The following SPOCK3 variants were observed in gnomAD, a reference collection of about 807,000 sequenced individuals.
The protein encoded by SPOCK3 is SPARC (osteonectin), cwcv and kazal like domains proteoglycan 3, also known as testican-3.
Under a neutral mutation model 56.6 loss-of-function variants are expected in SPOCK3, and 30 were observed. The ratio of observed to expected loss-of-function variants is 0.53; its 90% CI spans 0.40 to 0.72. The LOEUF (loss-of-function observed/expected upper bound fraction) is 0.72. Ranked by LOEUF, SPOCK3 falls within the 30% of genes least tolerant of loss-of-function variation. The pLI, the probability that SPOCK3 is intolerant of heterozygous loss-of-function variation, is 0.00. For missense variants in SPOCK3, 527 were observed against 530.0 expected (o/e 0.99, Z 0.06); for synonymous variants, 196 against 183.3 (o/e 1.07, Z -0.56).
intron 4 of SPOCK3, among the ~76,000 whole-genome samples, chr4:166,961,250 T>TAAA (rs33983685): frequency 8.9e-4 from 130 of 145,862 alleles, no homozygotes; most frequent in African/African-American, 2.8e-3. Context: ...CCCACGAAAT[T>TAAA]AAAAAAAAAA....
At chr4:166,941,107 C>A in intron 4 of SPOCK3, among the ~76,000 whole-genome samples, 1 of 152,094 alleles carries the variant, frequency 6.6e-6, no homozygotes, top group South Asian at 2.1e-4. Flanking sequence ...GCCATCAGCA[C>A]AGTCACGTTT....
chr4:166,931,173 G>A (rs1304866769), intron 4 of SPOCK3, among the ~76,000 whole-genome samples: 1 of 152,092 alleles, frequency 6.6e-6, no homozygotes, highest in African/African-American at 2.4e-5. Flanking sequence ...GTGGAGATGG[G>A]GTTTCACCAT....
At chr4:167,054,522 T>C (rs922420540) in intron 3 of SPOCK3, among the ~76,000 whole-genome samples, 2 of 152,202 alleles carry the variant, frequency 1.3e-5, no homozygotes, top group African/African-American at 4.8e-5. Flanking sequence ...TGTCAACTCA[T>C]GATTAACTGC....
At chr4:166,988,115 CAT>C (rs1450647849) in intron 4 of SPOCK3, among the ~76,000 whole-genome samples, 9 of 151,902 alleles carry the variant, frequency 5.9e-5, no homozygotes, top group African/African-American at 2.2e-4. Flanking sequence ...GGAATACAAA[CAT>C]AAGAAATGAT....
At chr4:166,831,986 C>A (rs1207799442) in intron 6 of SPOCK3, among the ~76,000 whole-genome samples, 2 of 151,850 alleles carry the variant, frequency 1.3e-5, no homozygotes, top group African/African-American at 2.4e-5. Context: ...GAGTACTAGA[C>A]CTTTGTCAGA....
At chr4:166,745,555 T>C (rs186411484) in intron 8 of SPOCK3, among the ~76,000 whole-genome samples, 3 of 152,206 alleles carry the variant, frequency 2.0e-5, no homozygotes, top group Admixed American at 2.0e-4. Context: ...TAAAGACCAT[T>C]GACACTAGGA....
intron 6 of SPOCK3, among the ~76,000 whole-genome samples, chr4:166,800,247 A>T (rs1156622366): frequency 6.6e-6 from 1 of 151,094 alleles, no homozygotes. Flanking sequence ...TTTATTAATA[A>T]AGAGGAATAT....
chr4:167,098,647 C>T (rs191430124), intron 2 of SPOCK3, among the ~76,000 whole-genome samples: 6 of 152,084 alleles, frequency 3.9e-5, no homozygotes, highest in African/African-American at 1.4e-4. Context: ...CAAAGTCCAA[C>T]GATTTTCCAA....
intron 4 of SPOCK3, among the ~76,000 whole-genome samples, chr4:166,974,950 T>C (rs1393297646): frequency 6.6e-6 from 1 of 152,168 alleles, no homozygotes; most frequent in African/African-American, 2.4e-5. Flanking sequence ...CATAAAGAAA[T>C]TAATTCTCTC....
intron 6 of SPOCK3, among the ~76,000 whole-genome samples, chr4:166,866,541 T>A: frequency 6.6e-6 from 1 of 151,964 alleles, no homozygotes; most frequent in Non-Finnish European, 1.5e-5. Context: ...ATCTGACAAA[T>A]GTCTAATATC....
chr4:166,766,726 T>C (rs1738121336), intron 7 of SPOCK3, among the ~76,000 whole-genome samples: 1 of 152,234 alleles, frequency 6.6e-6, no homozygotes, highest in Non-Finnish European at 1.5e-5. Context: ...GAGGATATCC[T>C]CTTTTTCTAT....
intron 4 of SPOCK3, among the ~76,000 whole-genome samples, chr4:166,922,526 T>C (rs534137994): frequency 5.3e-5 from 8 of 152,286 alleles, no homozygotes; most frequent in African/African-American, 2.4e-5. Context: ...TTTAACCCAA[T>C]TTATACTCAC....
At chr4:167,061,336 T>C (rs1312761855) in intron 3 of SPOCK3, among the ~76,000 whole-genome samples, 2 of 152,006 alleles carry the variant, frequency 1.3e-5, no homozygotes. Context: ...TTTTAGAGCA[T>C]TGGCTTGACT....
intron 2 of SPOCK3, among the ~76,000 whole-genome samples, chr4:167,089,832 T>G (rs1721750777): frequency 6.6e-6 from 1 of 152,164 alleles, no homozygotes; most frequent in African/African-American, 2.4e-5. Context: ...ACTGATCTGT[T>G]TTCTTCCCCC....
intron 2 of SPOCK3, among the ~76,000 whole-genome samples, chr4:167,099,534 A>T (rs1482611855): frequency 6.6e-6 from 1 of 152,086 alleles, no homozygotes; most frequent in Non-Finnish European, 1.5e-5. Context: ...TATTTGACAC[A>T]CAAATTTCTG....
chr4:166,970,494 C>A (rs567514265), intron 4 of SPOCK3, among the ~76,000 whole-genome samples: 2 of 152,088 alleles, frequency 1.3e-5, no homozygotes, highest in African/African-American at 2.4e-5. Context: ...GAGGCTGAGG[C>A]GGGTGGATCA....
At chr4:167,183,222 C>G (rs909328291) in intron 2 of SPOCK3, among the ~76,000 whole-genome samples, 3 of 152,094 alleles carry the variant, frequency 2.0e-5, no homozygotes, top group African/African-American at 7.2e-5. Context: ...TCCAGCCCAG[C>G]CCAGCCCAAC....
At chr4:167,092,229 G>A (rs1339747540) in intron 2 of SPOCK3, among the ~76,000 whole-genome samples, 1 of 152,076 alleles carries the variant, frequency 6.6e-6, no homozygotes, top group Non-Finnish European at 1.5e-5. Flanking sequence ...AAGCTGTGAG[G>A]GACTGTGCCG....
At chr4:166,793,953 G>T (rs1741622645) in intron 6 of SPOCK3, among the ~76,000 whole-genome samples, 1 of 151,886 alleles carries the variant, frequency 6.6e-6, no homozygotes, top group African/African-American at 2.4e-5. Context: ...AGGATGTCTG[G>T]GTCACAAGAA....
Sources: gnomAD v4.1 joint callset for allele counts (sites outside exome capture counted in the v4.1 genomes callset) on GRCh38, gnomAD v4.1.1 for gene constraint, MANE v1.5 for transcripts, NCBI Gene and HGNC (gene_info 2026-07-23, HGNC 2026-07-21) for gene names.